The following TMEM116 variants were observed in gnomAD, a reference collection of about 807,000 sequenced individuals.
TMEM116 encodes the protein transmembrane protein 116.
A neutral mutation model predicts 44.3 loss-of-function variants in TMEM116; 38 were observed. That is an observed-to-expected ratio of 0.86 (90% CI 0.66 to 1.12). TMEM116 has a LOEUF of 1.12. Ranked by LOEUF, TMEM116 falls within the 50% of genes most tolerant of loss-of-function variation. TMEM116 has a pLI of 0.00. For synonymous variants in TMEM116, 132 were observed against 144.8 expected, an observed-to-expected ratio of 0.91 and a Z score of 0.64; for missense variants, 354 against 401.7, an observed-to-expected ratio of 0.88 and a Z score of 1.01.
At position 111,957,565 on chromosome 12, in the gene TMEM116, C is replaced by G. The variant is rs542192361; in HGVS notation, c.211-14196G>C. ...GCAGCCCCCGCCCAGCCAGCCGCCC[C>G]GTCTGGGAGGTGGGGGCCAGCCCCC... On this transcript the variant is annotated intron_variant, in intron 4 of 10. Coordinates refer to ENST00000552374, the MANE Select transcript of TMEM116 (RefSeq NM_001193531.2). Among the ~76,000 whole-genome samples the G allele has an allele frequency of 4.6e-5, 7 of 151,494 alleles. No individual in the cohort carries two copies. The South Asian group carries it at 1.3e-3, about 27-fold the overall frequency.
chr12:111,931,746 C>G lies in TMEM116; in HGVS notation c.889G>C (p.Glu297Gln). 1 of 1,610,328 alleles carries G rather than the reference C, an allele frequency of 6.2e-7. No individual in the cohort carries two copies. The highest frequency in any genetic ancestry group is 1.1e-5 in the South Asian group (1 of 90,388). The change falls in exon 11 of 11, where the codon GAG becomes CAG. Residue 297 changes from glutamate to glutamine, a missense_variant. By Grantham distance (29) the Glu-to-Gln change is conservative (BLOSUM62 2). Coordinates refer to ENST00000552374, the MANE Select transcript of TMEM116 (RefSeq NM_001193531.2). ...TQHKFHQLKQ[E>Q]ARRDADTQTP... Reference sequence around the variant, plus strand: ...TGGGTATCTGCATCACGCCGAGCCTCCTGCTTTAGTTGGTGGAATTTGTGC... The same window carrying G: ...TGGGTATCTGCATCACGCCGAGCCTGCTGCTTTAGTTGGTGGAATTTGTGC...
At chr12:111,951,099 A>G (rs2136315283) in intron 4 of TMEM116, among the ~76,000 whole-genome samples, 1 of 152,386 alleles carries the variant, frequency 6.6e-6, no homozygotes, top group East Asian at 1.9e-4. Context: ...ACTGATCACT[A>G]GACAAACGCA....
chr12:112,013,163 A>C lies in TMEM116; in HGVS notation c.-195T>G. ...TCTCCTCAAGCGGAGCAGGAACGGA[A>C]CTGGGCGGACCCGCCGGAAGACTCG... is the stretch of plus-strand genomic sequence containing the variant. On this transcript the variant is annotated 5_prime_UTR_variant, in exon 1 of 11. Coordinates refer to ENST00000552374, the MANE Select transcript of TMEM116 (RefSeq NM_001193531.2). 5.3e-6 allele frequency: 2 copies of C among 380,604 alleles called. No homozygotes were observed. Among genetic ancestry groups the C allele is most frequent in the Non-Finnish European group, 4.8e-6 (1 of 209,138 alleles). 23.6% of individuals were successfully genotyped at this position (380,604 alleles called of 1,614,324 possible).
chr12:111,972,076 G>GAAAAAA (rs762088997), intron 4 of TMEM116, among the ~76,000 whole-genome samples: 8 of 57,532 alleles, frequency 1.4e-4, no homozygotes, highest in African/African-American at 4.4e-4. Context: ...CCCTATCTGT[G>GAAAAAA]AAAAAAAAAA....
intron 3 of TMEM116, among the ~76,000 whole-genome samples, chr12:112,001,975 T>C (rs1298177418): frequency 6.6e-6 from 1 of 152,144 alleles, no homozygotes; most frequent in African/African-American, 2.4e-5. Context: ...TGTAAGAACT[T>C]AGGAAAGTCC....
chr12:111,931,701 G>T lies in TMEM116; in HGVS notation c.934C>A (p.Gln312Lys), dbSNP rs147550432. 373 of 1,614,056 alleles carry T rather than the reference G, an allele frequency of 2.3e-4. 2 individuals carry two copies. The highest frequency in any genetic ancestry group is 9.9e-4 in the Middle Eastern group (6 of 6,060). Residue 312 changes from glutamine (Q) to lysine (K), a missense_variant, in exon 11 of 11, where the codon CAG becomes AAG. Transcript: ENST00000552374. ...ADTQTPLLCS[Q>K]KRFYSRGLNS... ...AAGCCCCTGCTATAGAATCTCTTCTGTGAGCATAATAATGGTGTCTGGGTA... is the reference window on the plus strand; with the variant it reads ...AAGCCCCTGCTATAGAATCTCTTCTTTGAGCATAATAATGGTGTCTGGGTA...
At chr12:111,961,139 C>G (rs560148361) in intron 4 of TMEM116, among the ~76,000 whole-genome samples, 2 of 152,280 alleles carry the variant, frequency 1.3e-5, no homozygotes, top group East Asian at 3.9e-4. Context: ...AGGTGAATCC[C>G]TGAATAGACC....
intron 6 of TMEM116, 107 bp from the exon 7 acceptor site, chr12:111,937,350 TC>T: frequency 1.2e-6 from 1 of 812,906 alleles, no homozygotes; most frequent in South Asian, 1.6e-5. Flanking sequence ...CCCACCAATC[TC>T]CACAAATAAC....
rs10559995 is a variant in TMEM116, at chr12:111,940,544, T to C, written c.316-2334A>G. On this transcript the variant is annotated intron_variant, in intron 5 of 10. Coordinates refer to ENST00000552374, the MANE Select transcript of TMEM116 (RefSeq NM_001193531.2). Reference sequence around the variant, plus strand: ...ATGTGTATATATATATATATATATATACACACACACATATATATGTGTGTA... The same window carrying C: ...ATGTGTATATATATATATATATATACACACACACACATATATATGTGTGTA... 6.1e-3 allele frequency among the ~76,000 whole-genome samples: 513 copies of C among 84,494 alleles called. 5 individuals carry two copies. Among genetic ancestry groups the C allele is most frequent in the Middle Eastern group, 0.023 (4 of 174 alleles). The allele number at this position is 84,494 out of a possible 152,430, so 55.4% of individuals were successfully genotyped here.
chr12:111,988,686 A>C (rs1219257080), intron 4 of TMEM116, among the ~76,000 whole-genome samples: 1 of 140,620 alleles, frequency 7.1e-6, no homozygotes, highest in Non-Finnish European at 1.5e-5. Flanking sequence ...TGACAGAGTG[A>C]GACTCCATCT....
Position 111,931,337 on chromosome 12 carries a change from T to C in TMEM116, c.*284A>G, listed in dbSNP as rs969925673. 2 of 410,236 alleles carry C rather than the reference T, an allele frequency of 4.9e-6. No individual in the cohort carries two copies. The highest frequency in any genetic ancestry group is 2.9e-5 in the South Asian group (1 of 34,452). 25.4% of individuals were successfully genotyped at this position (410,236 alleles called of 1,614,324 possible). The stretch of plus-strand genomic sequence containing the variant: ...GAATTTATTTTTTCTAGAAGAGACT[T>C]AGACAAATCCAATATCCATCAAGGT... On this transcript the variant is annotated 3_prime_UTR_variant, in exon 11 of 11. Coordinates refer to ENST00000552374, the MANE Select transcript of TMEM116 (RefSeq NM_001193531.2).
chr12:111,993,350 A>C, intron 3 of TMEM116: 1 of 517,414 alleles, frequency 1.9e-6, no homozygotes, highest in East Asian at 5.1e-5. Flanking sequence ...CTTTGGCTAA[A>C]GGACAGGCTC....
At chr12:111,985,057 CAA>C (rs1473047644) in intron 4 of TMEM116, among the ~76,000 whole-genome samples, 3 of 152,030 alleles carry the variant, frequency 2.0e-5, no homozygotes, top group African/African-American at 7.2e-5. Context: ...TGATGAAAGA[CAA>C]AGTCATCATA....
intron 4 of TMEM116, among the ~76,000 whole-genome samples, chr12:111,966,344 C>T (rs892033845): frequency 2.0e-5 from 3 of 152,090 alleles, no homozygotes; most frequent in Non-Finnish European, 4.4e-5. Flanking sequence ...TGGTACCAGA[C>T]TTAAGGTGAT....
chr12:111,978,690 T>A (rs2075791490), intron 4 of TMEM116: 1 of 381,396 alleles, frequency 2.6e-6, no homozygotes, highest in Non-Finnish European at 5.2e-6. Flanking sequence ...TATGTTTGGA[T>A]ACAACAAGAA....
intron 1 of TMEM116, among the ~76,000 whole-genome samples, chr12:112,010,168 T>C (rs1465975084): frequency 6.6e-6 from 1 of 152,054 alleles, no homozygotes; most frequent in Non-Finnish European, 1.5e-5. Flanking sequence ...CTGCTCCTTT[T>C]CCACTTGTTC....
At position 111,933,905 on chromosome 12, in the gene TMEM116, G is replaced by C; in HGVS notation, c.714C>G (p.Phe238Leu). The C allele has an allele frequency of 6.2e-7, 1 of 1,614,018 alleles. No homozygotes were observed. The highest frequency in any genetic ancestry group is 8.5e-7 in the Non-Finnish European group (1 of 1,180,022). ...DQRVRFYPVAFFCCWGPAVIL... is the reference protein window; with the variant it reads ...DQRVRFYPVALFCCWGPAVIL... ...ACCTACCTGGGCCCCAGCAGCAAAAGAAGGCCACTGGGTAGAAGCGCACCC... is the reference window on the plus strand; with the variant it reads ...ACCTACCTGGGCCCCAGCAGCAAAACAAGGCCACTGGGTAGAAGCGCACCC... Residue 238 changes from phenylalanine to leucine, a missense_variant, in exon 9 of 11, where the codon TTC becomes TTG. By Grantham distance (22) the Phe-to-Leu change is conservative. Transcript: ENST00000552374.
At position 111,944,424 on chromosome 12, in the gene TMEM116, C is replaced by G. The variant is rs190303494; in HGVS notation, c.211-1055G>C. Among the ~76,000 whole-genome samples the G allele has an allele frequency of 2.0e-5, 3 of 151,992 alleles. No homozygotes were observed. The East Asian group carries it at 5.8e-4, about 29-fold the overall frequency. Reference sequence around the variant, plus strand: ...CCTGTAATCTCAGCACTTTGTGAGGCCGTGGTGGGCAGATCATGAGGTTGA... The same window carrying G: ...CCTGTAATCTCAGCACTTTGTGAGGGCGTGGTGGGCAGATCATGAGGTTGA... On this transcript the variant is annotated intron_variant, in intron 4 of 10. Transcript: ENST00000552374.
chr12:111,972,724 C>T (rs975752313), intron 4 of TMEM116, among the ~76,000 whole-genome samples: 2 of 151,886 alleles, frequency 1.3e-5, no homozygotes, highest in Admixed American at 1.3e-4. Flanking sequence ...ACTAAAAATA[C>T]AAAAATTAGC....
Sources: allele counts gnomAD v4.1 joint callset (sites outside exome capture counted in the v4.1 genomes callset), GRCh38; gene constraint gnomAD v4.1.1; transcripts MANE v1.5; gene names NCBI Gene and HGNC (gene_info 2026-07-23, HGNC 2026-07-21).